Variants in PCNT observed in about 807,000 individuals in gnomAD.
PCNT encodes pericentrin, also known as kendrin.
In PCNT, 319 loss-of-function variants were observed where a neutral mutation model predicts 380.4. The ratio of observed to expected loss-of-function variants is 0.84; its 90% CI spans 0.77 to 0.92. The LOEUF is 0.92. PCNT is among the 40% of genes least tolerant of loss of function. PCNT has a pLI of 0.00. For missense variants in PCNT, 4,400 were observed against 4,255.3 expected (o/e 1.03, Z -0.95); for synonymous variants, 1,845 against 1,735.2 (o/e 1.06, Z -1.57).
At chr21:46,325,130 A>G in intron 1 of PCNT, 2 of 985,562 alleles carry the variant, frequency 2.0e-6, no homozygotes, top group Non-Finnish European at 2.4e-6. Context: ...TAAAGCGCGC[A>G]GAGCCCATGA....
intron 27 of PCNT, among the ~76,000 whole-genome samples, chr21:46,404,657 A>C (rs1023629094): frequency 2.6e-5 from 4 of 152,190 alleles, no homozygotes; most frequent in African/African-American, 9.7e-5. Flanking sequence ...TTTCAAAATT[A>C]ATTTTATCAG....
In PCNT at chr21:46,351,423, T is replaced by C. The variant is rs2084266779; in HGVS notation, c.1345-6T>C. On this transcript the variant is annotated splice_polypyrimidine_tract_variant and splice_region_variant and intron_variant, in intron 8 of 46. Coordinates refer to ENST00000359568, the MANE Select transcript of PCNT (RefSeq NM_006031.6). The stretch of plus-strand genomic sequence containing the variant: ...GGGTTTCACCTGGACACTTTGCTTT[T>C]TCCAGTTAGAGAATCTTCAAGCATC... The C allele has an allele frequency of 2.6e-6, 4 of 1,558,852 alleles. No individual in the cohort carries two copies. The highest frequency in any genetic ancestry group is 3.5e-6 in the Non-Finnish European group (4 of 1,129,684).
At chr21:46,381,970 C>G in intron 16 of PCNT, 130 bp downstream of exon 16, 1 of 920,710 alleles carries the variant, frequency 1.1e-6, no homozygotes, top group African/African-American at 1.7e-5. Context: ...GTTGTACATT[C>G]AGTGGCGGAA....
Position 46,390,802 on chromosome 21 carries a change from G to T in PCNT, c.3973G>T (p.Glu1325Ter). 1 of 1,611,168 alleles carries T rather than the reference G, an allele frequency of 6.2e-7. No individual in the cohort carries two copies. Among genetic ancestry groups the T allele is most frequent in the South Asian group, 1.1e-5 (1 of 90,782 alleles). The change falls in exon 20 of 47, where the codon GAG becomes TAG. Residue 1325 changes from glutamate to a stop codon, truncating the protein, a stop_gained. Transcript: ENST00000359568. LOFTEE classifies it high-confidence loss of function. ...GAAGGAGGAGAGCGCAGCAAAGGCA[G>T]AGCTGGCGCTGGAGCTGCACAAGAC... ...CLKEESAAKA[E>*]LALELHKTQG...
chr21:46,379,818 C>G (rs2085452447), intron 15 of PCNT, among the ~76,000 whole-genome samples: 1 of 152,150 alleles, frequency 6.6e-6, no homozygotes, highest in African/African-American at 2.4e-5. Context: ...GAGGGCCCTG[C>G]GTGCATTGTG....
intron 12 of PCNT, among the ~76,000 whole-genome samples, chr21:46,356,701 A>G (rs771410142): frequency 2.2e-4 from 34 of 152,250 alleles, no homozygotes; most frequent in Admixed American, 8.5e-4. Context: ...CTGAAGGAGT[A>G]GCCTGGGCGG....
At chr21:46,359,030 G>T (rs536008008) in intron 13 of PCNT, among the ~76,000 whole-genome samples, 4 of 151,400 alleles carry the variant, frequency 2.6e-5, no homozygotes, top group Admixed American at 2.6e-4. Flanking sequence ...GGATGGTCTC[G>T]ATCTCCTGAC....
Position 46,425,680 on chromosome 21 carries a change from G to A in PCNT, c.7180-151G>A. On this transcript the variant is annotated intron_variant, in intron 32 of 46. Transcript: ENST00000359568. The surrounding 1 kb of genome is among the most constrained non-coding windows in gnomAD (Gnocchi z 4.2). ...AAACCTTGTAGCTTGAGAAGTGGGT[G>A]CCGCCTGTACGAAGCCGAGGCGGTG... 9.8e-7 allele frequency: 1 copy of A among 1,024,088 alleles called. No individual in the cohort carries two copies. Among genetic ancestry groups the A allele is most frequent in the Non-Finnish European group, 1.5e-6 (1 of 665,996 alleles). 63.4% of individuals were successfully genotyped at this position (1,024,088 alleles called of 1,614,324 possible).
At chr21:46,401,370 C>G (rs1337472219) in intron 25 of PCNT, among the ~76,000 whole-genome samples, 181 bp from the exon 26 acceptor site, 1 of 152,202 alleles carries the variant, frequency 6.6e-6, no homozygotes, top group Non-Finnish European at 1.5e-5. Context: ...CAGGCCTCTG[C>G]TGGGAGGTGG....
At chr21:46,404,829 G>A (rs893969522) in intron 27 of PCNT, among the ~76,000 whole-genome samples, 9 of 152,132 alleles carry the variant, frequency 5.9e-5, no homozygotes, top group East Asian at 5.8e-4. Context: ...ACACCACTCC[G>A]GAGACTGAGG....
In PCNT at chr21:46,388,819, G is replaced by T; in HGVS notation, c.3542G>T (p.Ser1181Ile). 2 of 1,613,128 alleles carry T rather than the reference G, an allele frequency of 1.2e-6. No homozygotes were observed. Among genetic ancestry groups the T allele is most frequent in the Admixed American group, 1.7e-5 (1 of 60,022 alleles). ...ETLRAAVTLR[S>I]RIGERVGLCL... ...CTGAGGGCAGCCGTCACCCTGAGGAGCCGGATCGGGGAGCGCGTGGGGCTC... is the reference window on the plus strand; with the variant it reads ...CTGAGGGCAGCCGTCACCCTGAGGATCCGGATCGGGGAGCGCGTGGGGCTC... The change falls in exon 18 of 47, where the codon AGC (serine) becomes ATC (isoleucine). Residue 1181 changes from serine to isoleucine, a missense_variant. Ser to Ile is a moderately radical substitution (Grantham distance 142). Coordinates refer to ENST00000359568, the MANE Select transcript of PCNT (RefSeq NM_006031.6). This position sits in a 1 kb window ranked among gnomAD's most constrained non-coding sequence, Gnocchi z 4.2.
chr21:46,390,625 G>A, intron 19 of PCNT, 45 bp from the exon 20 acceptor site: 2 of 1,605,566 alleles, frequency 1.2e-6, no homozygotes, highest in East Asian at 2.2e-5. Context: ...GTAGGCTTCA[G>A]TTATTTTTGA....
rs587784318 is a variant in PCNT, at chr21:46,427,612, C to T, written c.7321-10C>T. The T allele has an allele frequency of 2.0e-5, 33 of 1,613,770 alleles. No homozygotes were observed. Among genetic ancestry groups the T allele is most frequent in the Non-Finnish European group, 2.6e-5 (31 of 1,180,032 alleles). On this transcript the variant is annotated splice_polypyrimidine_tract_variant and intron_variant, in intron 33 of 46. Transcript: ENST00000359568. ...TGTGAGGACGCCACGTTTCTTCCTT[C>T]TTCCTTTAGGAAGTGCCCACCGCGT...
At chr21:46,432,325 C>A in intron 38 of PCNT, 110 bp downstream of exon 38, 2 of 1,034,516 alleles carry the variant, frequency 1.9e-6, no homozygotes, top group Non-Finnish European at 2.9e-6. Context: ...CTGACCTGGT[C>A]TGCTCTGGTC....
chr21:46,376,184 C>T (rs905180918), intron 15 of PCNT, among the ~76,000 whole-genome samples: 11 of 152,180 alleles, frequency 7.2e-5, no homozygotes, highest in African/African-American at 2.4e-4. Context: ...TAGTTTGGGA[C>T]GCCTGGAGCT....
intron 1 of PCNT, among the ~76,000 whole-genome samples, chr21:46,324,568 G>GGTGGGTGGGGCGC (rs369407858): frequency 6.7e-6 from 1 of 148,610 alleles, no homozygotes; most frequent in African/African-American, 2.4e-5. Context: ...TGCGTCGGGG[G>GGTGGGTGGGGCGC]GGGTGGGGCG....
chr21:46,329,558 C>G (rs1018232561), intron 2 of PCNT, among the ~76,000 whole-genome samples: 1 of 152,108 alleles, frequency 6.6e-6, no homozygotes, highest in Non-Finnish European at 1.5e-5. Flanking sequence ...ATAACAGGCC[C>G]ATTACTGGTC....
chr21:46,325,430 G>C (rs1249171754), intron 1 of PCNT, among the ~76,000 whole-genome samples: 1 of 152,242 alleles, frequency 6.6e-6, no homozygotes, highest in Non-Finnish European at 1.5e-5. Context: ...GTAGGGCGAC[G>C]CAGGCCGCAG....
chr21:46,336,981 GTTT>G (rs745484512), intron 3 of PCNT, among the ~76,000 whole-genome samples: 11 of 98,876 alleles, frequency 1.1e-4, no homozygotes, highest in Admixed American at 2.3e-4. Flanking sequence ...TTAGAAGGTT[GTTT>G]TTTTTGTTTG....
Sources: gnomAD v4.1 joint callset for allele counts (sites outside exome capture counted in the v4.1 genomes callset) on GRCh38, gnomAD v4.1.1 for gene constraint, Gnocchi (gnomAD v3.1) non-coding constraint, MANE v1.5 for transcripts, NCBI Gene and HGNC (gene_info 2026-07-23, HGNC 2026-07-21) for gene names.